The following GPAM variants were observed in gnomAD, a reference collection of about 807,000 sequenced individuals.
GPAM encodes the protein glycerol-3-phosphate acyltransferase 1, mitochondrial.
Under a neutral mutation model 105.0 loss-of-function variants are expected in GPAM, and 56 were observed. The ratio of observed to expected loss-of-function variants is 0.53; its 90% CI spans 0.43 to 0.67. The LOEUF is 0.67. GPAM is among the 30% of genes least tolerant of loss of function. GPAM has a pLI of 0.00. For synonymous variants in GPAM, 368 were observed against 354.4 expected, an observed-to-expected ratio of 1.04 and a Z score of -0.43; for missense variants, 855 against 989.8, an observed-to-expected ratio of 0.86 and a Z score of 1.83.
At chr10:112,155,579 G>T in intron 20 of GPAM, 1 of 333,078 alleles carries the variant, frequency 3.0e-6, no homozygotes, top group Non-Finnish European at 5.6e-6. Context: ...TGAATAAAAT[G>T]TGGTAAATAT....
chr10:112,198,392 G>A (rs1033904704), intron 1 of GPAM, among the ~76,000 whole-genome samples: 17 of 152,288 alleles, frequency 1.1e-4, no homozygotes, highest in African/African-American at 3.9e-4. Flanking sequence ...CTATACTACT[G>A]ATTGAGTCAG....
upstream of GPAM, among the ~76,000 whole-genome samples, chr10:112,187,050 A>G (rs1847604521): frequency 6.6e-6 from 1 of 152,242 alleles, no homozygotes; most frequent in South Asian, 2.1e-4. Flanking sequence ...TTAAAAATGT[A>G]TACTTTAACT....
chr10:112,198,930 T>TTTTG (rs2133291478), intron 1 of GPAM, among the ~76,000 whole-genome samples: 1 of 152,006 alleles, frequency 6.6e-6, no homozygotes, highest in African/African-American at 2.4e-5. Flanking sequence ...GTTTTGTTTT[T>TTTTG]TTTTTTGTTT....
At chr10:112,179,914 T>C (rs1479849405) in intron 4 of GPAM, among the ~76,000 whole-genome samples, 1 of 152,180 alleles carries the variant, frequency 6.6e-6, no homozygotes, top group African/African-American at 2.4e-5. Context: ...TCTCAAAGAC[T>C]GCACTGTAAT....
Position 112,175,685 on chromosome 10 carries a change from A to C in GPAM, c.328T>G (p.Ser110Ala). Residue 110 changes from serine to alanine, a missense_variant, in exon 6 of 22, where the codon TCT (serine) becomes GCT (alanine). By Grantham distance (99) the Ser-to-Ala change is moderately conservative. Coordinates refer to ENST00000348367, the MANE Select transcript of GPAM (RefSeq NM_001244949.2). ...CGCTCTTGAATAAAAAGAACGTAAG[A>C]AAGGCGTCTTGCAAGCCATCCGCGG... ...RHRGWLARRL[S>A]YVLFIQERDV... 6.2e-7 allele frequency: 1 copy of C among 1,612,832 alleles called. No homozygotes were observed. The highest frequency in any genetic ancestry group is 8.5e-7 in the Non-Finnish European group (1 of 1,178,808).
chr10:112,186,466 A>G (rs1847597554), upstream of GPAM, among the ~76,000 whole-genome samples: 1 of 151,924 alleles, frequency 6.6e-6, no homozygotes, highest in African/African-American at 2.4e-5. Context: ...TATGCAAAGG[A>G]ATTAAGAGCT....
At position 112,163,681 on chromosome 10, in the gene GPAM, G is replaced by C. The variant is rs137944648; in HGVS notation, c.1423+20C>G. The C allele has an allele frequency of 1.7e-3, 1,747 of 1,048,590 alleles. 9 individuals carry two copies. The highest frequency in any genetic ancestry group is 1.1e-3 in the Non-Finnish European group (733 of 663,518). 65.0% of individuals were successfully genotyped at this position (1,048,590 alleles called of 1,614,324 possible). A position where few individuals can be genotyped will look rare whatever the true frequency, so the allele number is the denominator to read the frequency against. On this transcript the variant is annotated intron_variant, in intron 14 of 21. Transcript: ENST00000348367. The stretch of plus-strand genomic sequence containing the variant: ...GATGAATCTAAATTGTAGAATTAAA[G>C]AGTCTGGTATTCTACTTACTGAATA...
intron 21 of GPAM, 21 bp downstream of exon 21, chr10:112,154,608 C>G: frequency 6.5e-7 from 1 of 1,532,216 alleles, no homozygotes. Flanking sequence ...AGCTTTTATA[C>G]CATAAATGGT....
chr10:112,165,211 T>C (rs2133240906), intron 12 of GPAM, among the ~76,000 whole-genome samples: 1 of 152,312 alleles, frequency 6.6e-6, no homozygotes, highest in Non-Finnish European at 1.5e-5. Flanking sequence ...CTGGGCTCCC[T>C]ACTTCTGTAC....
At chr10:112,192,215 A>G (rs1847668788) in intron 1 of GPAM, among the ~76,000 whole-genome samples, 1 of 152,344 alleles carries the variant, frequency 6.6e-6, no homozygotes, top group African/African-American at 2.4e-5. Flanking sequence ...TTCATTCATA[A>G]CACACTGACT....
intron 5 of GPAM, among the ~76,000 whole-genome samples, chr10:112,177,603 T>C (rs1847430369): frequency 6.6e-6 from 1 of 152,180 alleles, no homozygotes; most frequent in Non-Finnish European, 1.5e-5. Flanking sequence ...ACCCTACAGA[T>C]TGGGCAGATT....
At position 112,151,234 on chromosome 10, in the gene GPAM, A is replaced by C. The variant is rs995386847; in HGVS notation, c.*2316T>G. 1.0e-6 allele frequency: 1 copy of C among 985,518 alleles called. No individual in the cohort carries two copies. Among genetic ancestry groups the C allele is most frequent in the African/African-American group, 1.7e-5 (1 of 57,202 alleles). The allele number at this position is 985,518 out of a possible 1,614,324, so 61.0% of individuals were successfully genotyped here. A position where few individuals can be genotyped will look rare whatever the true frequency, so the allele number is the denominator to read the frequency against. On this transcript the variant is annotated 3_prime_UTR_variant, in exon 22 of 22. Transcript: ENST00000348367. ...ACAAGCACCTAGTTTGTTTAACCTT[A>C]TGTGGAAGCCATCACTGTTGGAAAA...
chr10:112,187,361 G>A (rs1847608202), upstream of GPAM, among the ~76,000 whole-genome samples: 1 of 151,948 alleles, frequency 6.6e-6, no homozygotes, highest in Admixed American at 6.6e-5. Flanking sequence ...AAAAGTAAAA[G>A]GTTAGAAAAC....
At chr10:112,171,993 A>G (rs764232290) in intron 9 of GPAM, among the ~76,000 whole-genome samples, 189 bp downstream of exon 9, 2 of 152,202 alleles carry the variant, frequency 1.3e-5, no homozygotes, top group East Asian at 1.9e-4. Flanking sequence ...ATATATAAAT[A>G]ATGATGATAG....
intron 15 of GPAM, 142 bp downstream of exon 15, chr10:112,161,525 G>C (rs560729497): frequency 2.4e-4 from 165 of 697,548 alleles, no homozygotes; most frequent in Admixed American, 6.0e-4. Context: ...AGCTCCTTTG[G>C]GCAGGGTCCT....
chr10:112,171,209 C>T (rs956716824), intron 9 of GPAM, among the ~76,000 whole-genome samples: 5 of 152,208 alleles, frequency 3.3e-5, no homozygotes, highest in South Asian at 2.1e-4. Context: ...GACCTACCAC[C>T]TACCCAGTTT....
chr10:112,173,710 C>T lies in GPAM; in HGVS notation c.549G>A (p.Pro183=), dbSNP rs776358192. 27 of 1,613,724 alleles carry T rather than the reference C, an allele frequency of 1.7e-5. No individual in the cohort carries two copies. The highest frequency in any genetic ancestry group is 5.3e-5 in the African/African-American group (4 of 74,906). ...ILQEMVATVS[P]AMIRLTGWVL... Reference sequence around the variant, plus strand: ...TTGCCTTTTAATACCTGATCATTGCCGGTGAGACAGTGGCAACCATTTCTT... The same window carrying T: ...TTGCCTTTTAATACCTGATCATTGCTGGTGAGACAGTGGCAACCATTTCTT... The change falls in exon 7 of 22, where the codon CCG becomes CCA. Residue 183 remains proline, a synonymous_variant. Transcript: ENST00000348367.
intron 16 of GPAM, 130 bp downstream of exon 16, chr10:112,160,473 GA>G: frequency 8.1e-7 from 1 of 1,231,674 alleles, no homozygotes; most frequent in Non-Finnish European, 1.1e-6. Flanking sequence ...ATTTTCGTTT[GA>G]AAACTAAAAT....
At chr10:112,218,904 C>T (rs753299310), upstream of GPAM, among the ~76,000 whole-genome samples, 6 of 152,204 alleles carry the variant, frequency 3.9e-5, no homozygotes, top group Non-Finnish European at 7.3e-5. Context: ...TGACCAGAGG[C>T]TGCTTTTGTA....
Sources: allele counts gnomAD v4.1 joint callset (sites outside exome capture counted in the v4.1 genomes callset), GRCh38; gene constraint gnomAD v4.1.1; transcripts MANE v1.5; gene names NCBI Gene and HGNC (gene_info 2026-07-23, HGNC 2026-07-21).